AGAP1: variants seen among roughly 807,000 people sequenced by gnomAD.
The protein encoded by AGAP1 is arf-GAP with GTPase, ANK repeat and PH domain-containing protein 1.
In AGAP1, 29 loss-of-function variants were observed where a neutral mutation model predicts 105.3. That is an observed-to-expected ratio of 0.28 (90% CI 0.21 to 0.38). The LOEUF (loss-of-function observed/expected upper bound fraction) is 0.38. AGAP1 is among the 10% of genes least tolerant of loss of function. The probability of loss-of-function intolerance (pLI) is 1.00; values close to 1 mark genes in which losing one functional copy is unlikely to be tolerated. For synonymous variants in AGAP1, 509 were observed against 485.9 expected, an observed-to-expected ratio of 1.05 and a Z score of -0.63; for missense variants, 998 against 1,165.1, an observed-to-expected ratio of 0.86 and a Z score of 2.09.
chr2:235,536,639 A>G lies in AGAP1; in HGVS notation c.163+41790A>G, dbSNP rs1000648153. 5.9e-4 allele frequency among the ~76,000 whole-genome samples: 58 copies of G among 97,702 alleles called. 1 individual carries two copies. Among genetic ancestry groups the G allele is most frequent in the African/African-American group, 1.6e-3 (48 of 29,956 alleles). The allele number at this position is 97,702 out of a possible 152,430, so 64.1% of individuals were successfully genotyped here. A position where few individuals can be genotyped will look rare whatever the true frequency, so the allele number is the denominator to read the frequency against. ...TGTGTCGCATCCTTCACACACACAC[A>G]CACACACACACACACACACACACAC... On this transcript the variant is annotated intron_variant, in intron 1 of 17. Transcript: ENST00000304032.
rs2057090165 is a variant in AGAP1 at position 236,027,447 on chromosome 2, A to T, written c.1646-9114A>T. Among the ~76,000 whole-genome samples, 1 of 152,090 alleles carries T rather than the reference A, an allele frequency of 6.6e-6. No homozygotes were observed. Among genetic ancestry groups the T allele is most frequent in the Non-Finnish European group, 1.5e-5 (1 of 68,012 alleles). ...AGGGCCTGAAAATCCAAAAGAAGAC[A>T]CAGGGTAGTCCTCCCGCCGGTGCCC... On this transcript the variant is annotated intron_variant, in intron 13 of 17. Transcript: ENST00000304032. The surrounding 1 kb of genome is among the most constrained non-coding windows in gnomAD (Gnocchi z 4.4).
chr2:235,686,614 G>A (rs1454762760), intron 1 of AGAP1, among the ~76,000 whole-genome samples: 2 of 37,928 alleles, frequency 5.3e-5, no homozygotes, highest in African/African-American at 1.2e-4. Context: ...TATACGTGGA[G>A]ATATAGATAT....
rs1327125689 is a variant in AGAP1 at position 236,104,743 on chromosome 2, G to A, written c.2115-15449G>A. Among the ~76,000 whole-genome samples, 7 of 152,176 alleles carry A rather than the reference G, an allele frequency of 4.6e-5. No homozygotes were observed. Among genetic ancestry groups the A allele is most frequent in the Non-Finnish European group, 1.0e-4 (7 of 68,030 alleles). On this transcript the variant is annotated intron_variant, in intron 16 of 17. Transcript: ENST00000304032. The surrounding 1 kb of genome is among the most constrained non-coding windows in gnomAD (Gnocchi z 4.7). ...GTCTCTACCAAAAATACAAAAATTA[G>A]CTGGGCATGGTGATGCGTGCCTGTA...
At chr2:235,561,453 T>C (rs79086412) in intron 1 of AGAP1, among the ~76,000 whole-genome samples, 3,142 of 152,220 alleles carry the variant, frequency 0.021, 115 homozygotes, top group African/African-American at 0.072. Flanking sequence ...AGGTGTGTAA[T>C]TATTAACAGT....
chr2:235,561,913 C>T (rs893663398), intron 1 of AGAP1, among the ~76,000 whole-genome samples: 6 of 152,134 alleles, frequency 3.9e-5, no homozygotes, highest in African/African-American at 1.4e-4. Flanking sequence ...TTACAAAATT[C>T]AAGGCTTTTC....
intron 9 of AGAP1, among the ~76,000 whole-genome samples, chr2:235,834,933 C>A (rs145297704): frequency 6.6e-6 from 1 of 152,150 alleles, no homozygotes; most frequent in African/African-American, 2.4e-5. Flanking sequence ...AGAAAACTTG[C>A]GGAAGCATTT....
rs2125363027 is a variant in AGAP1 at position 235,971,901 on chromosome 2, C to T, written c.1645+3278C>T. Among the ~76,000 whole-genome samples, 1 of 151,840 alleles carries T rather than the reference C, an allele frequency of 6.6e-6. No homozygotes were observed. Among genetic ancestry groups the T allele is most frequent in the Admixed American group, 6.6e-5 (1 of 15,228 alleles). On this transcript the variant is annotated intron_variant, in intron 13 of 17. Transcript: ENST00000304032. This position sits in a 1 kb window ranked among gnomAD's most constrained non-coding sequence, Gnocchi z 4.8. ...TCAAGTGATCTTCCCACCTCAGCCT[C>T]CCAAGTAGCTGGGACCACAGGCAGG...
chr2:235,527,778 G>T, intron 1 of AGAP1, among the ~76,000 whole-genome samples: 1 of 152,174 alleles, frequency 6.6e-6, no homozygotes, highest in East Asian at 1.9e-4. Context: ...GCATTTCAAG[G>T]TGCAGTGTTT....
In AGAP1 at chr2:235,908,565, T is replaced by A. The variant is rs2051418150; in HGVS notation, c.1156-173T>A. 6.6e-6 allele frequency among the ~76,000 whole-genome samples: 1 copy of A among 152,104 alleles called. No individual in the cohort carries two copies. Among genetic ancestry groups the A allele is most frequent in the Admixed American group, 6.5e-5 (1 of 15,276 alleles). ...AAGCAAAACTCTGATTTAAATATAA[T>A]AATGATGTTACCAGTACTCTATAGA... On this transcript the variant is annotated intron_variant, in intron 10 of 17. Coordinates refer to ENST00000304032, the MANE Select transcript of AGAP1 (RefSeq NM_001037131.3). The surrounding 1 kb of genome is among the most constrained non-coding windows in gnomAD (Gnocchi z 4.4).
At chr2:235,791,665 A>G (rs1452858041) in intron 6 of AGAP1, among the ~76,000 whole-genome samples, 1 of 152,058 alleles carries the variant, frequency 6.6e-6, no homozygotes, top group African/African-American at 2.4e-5. Context: ...CTCCTGCCTC[A>G]GTCTCCCAAG....
chr2:235,688,188 G>A (rs1373521428), intron 1 of AGAP1, among the ~76,000 whole-genome samples: 2 of 152,190 alleles, frequency 1.3e-5, no homozygotes, highest in Admixed American at 1.3e-4. Context: ...TTACAGGCGT[G>A]AGCCACCACG....
rs528812060 is a variant in AGAP1 at position 236,055,875 on chromosome 2, T to C, written c.2114+6594T>C. On this transcript the variant is annotated intron_variant, in intron 16 of 17. Transcript: ENST00000304032. The surrounding 1 kb of genome is among the most constrained non-coding windows in gnomAD (Gnocchi z 6.2). ...TTAGCCACCCTTCATGACTGGATGG[T>C]CCTCATTAGCACACTGCTAAATATG... Among the ~76,000 whole-genome samples, 1 of 152,336 alleles carries C rather than the reference T, an allele frequency of 6.6e-6. No homozygotes were observed. The highest frequency in any genetic ancestry group is 2.1e-4 in the South Asian group (1 of 4,824).
In AGAP1 at chr2:235,623,119, C is replaced by A. The variant is rs1343561244; in HGVS notation, c.164-86060C>A. Among the ~76,000 whole-genome samples the A allele has an allele frequency of 2.0e-5, 3 of 152,192 alleles. No individual in the cohort carries two copies. Among genetic ancestry groups the A allele is most frequent in the Non-Finnish European group, 4.4e-5 (3 of 68,044 alleles). The stretch of plus-strand genomic sequence containing the variant: ...ATTTTCCAGTGGATTGCCTGATGTT[C>A]TCCAGGCTGCTACAGCTATGATATT... On this transcript the variant is annotated intron_variant, in intron 1 of 17. Transcript: ENST00000304032. The surrounding 1 kb of genome is among the most constrained non-coding windows in gnomAD (Gnocchi z 4.5).
At chr2:236,118,713 A>C (rs533796909) in intron 16 of AGAP1, among the ~76,000 whole-genome samples, 4 of 152,138 alleles carry the variant, frequency 2.6e-5, no homozygotes, top group African/African-American at 7.2e-5. Flanking sequence ...TCCTCATCAA[A>C]AAGGCAGGCA....
chr2:236,067,689 G>T (rs577633704), intron 16 of AGAP1, among the ~76,000 whole-genome samples: 1 of 152,176 alleles, frequency 6.6e-6, no homozygotes, highest in African/African-American at 2.4e-5. Flanking sequence ...AAGAGAATGG[G>T]GTCCTGTCTT....
intron 13 of AGAP1, among the ~76,000 whole-genome samples, chr2:235,999,437 G>C (rs1280232843): frequency 7.3e-6 from 1 of 137,050 alleles, no homozygotes; most frequent in African/African-American, 2.7e-5. Context: ...AGAGGTGGTG[G>C]TAGTTATAGT....
chr2:235,792,522 G>A lies in AGAP1; in HGVS notation c.674-5237G>A, dbSNP rs1393683678. On this transcript the variant is annotated intron_variant, in intron 6 of 17. Coordinates refer to ENST00000304032, the MANE Select transcript of AGAP1 (RefSeq NM_001037131.3). This position sits in a 1 kb window ranked among gnomAD's most constrained non-coding sequence, Gnocchi z 5.3. ...GAGGTCGCCCTGTGGTGTGTTAGGG[G>A]CATTTAGGGGACAGTCAGGGAGACT... is the stretch of plus-strand genomic sequence containing the variant. 6.6e-6 allele frequency among the ~76,000 whole-genome samples: 1 copy of A among 152,208 alleles called. No homozygotes were observed. The highest frequency in any genetic ancestry group is 1.5e-5 in the Non-Finnish European group (1 of 68,048).
chr2:236,007,610 T>C (rs1413069898), intron 13 of AGAP1, among the ~76,000 whole-genome samples: 1 of 152,220 alleles, frequency 6.6e-6, no homozygotes, highest in Admixed American at 6.5e-5. Flanking sequence ...AAAAACAATT[T>C]TTTTGGAATT....
chr2:235,670,497 C>T, intron 1 of AGAP1: 2 of 503,566 alleles, frequency 4.0e-6, no homozygotes, highest in Non-Finnish European at 7.0e-6. Context: ...GGACGCGGCT[C>T]GCCCGCGTCC....
Sources: gnomAD v4.1 joint callset for allele counts (sites outside exome capture counted in the v4.1 genomes callset) on GRCh38, gnomAD v4.1.1 for gene constraint, Gnocchi (gnomAD v3.1) non-coding constraint, MANE v1.5 for transcripts, NCBI Gene and HGNC (gene_info 2026-07-23, HGNC 2026-07-21) for gene names.